SUPT20H: variants seen among roughly 807,000 people sequenced by gnomAD.
The protein encoded by SUPT20H is transcription factor SPT20 homolog.
A neutral mutation model predicts 122.8 loss-of-function variants in SUPT20H; 82 were observed. The ratio of observed to expected loss-of-function variants is 0.67; its 90% CI spans 0.56 to 0.80. The LOEUF is 0.80. Ranked by LOEUF, SUPT20H falls within the 30% of genes least tolerant of loss-of-function variation. SUPT20H has a pLI of 0.00. For synonymous variants in SUPT20H, 291 were observed against 313.0 expected, an observed-to-expected ratio of 0.93 and a Z score of 0.74; for missense variants, 831 against 921.6, an observed-to-expected ratio of 0.90 and a Z score of 1.27.
chr13:37,021,454 G>A lies in SUPT20H; in HGVS notation c.1810C>T (p.Gln604Ter). ...ALPSAMQAAS[Q>*]AGVPFGLKNT... ...TTATTTCCAACATTCTGACCTGCTT[G>A]AGAAGCTGCCTGCATTGCACTGGGC... The change falls in exon 21 of 26, where the codon CAA becomes TAA. Residue 604 changes from glutamine (Q) to a stop codon, truncating the protein, a stop_gained. Coordinates refer to ENST00000350612, the MANE Select transcript of SUPT20H (RefSeq NM_001014286.3). LOFTEE classifies it high-confidence loss of function. 1 of 1,604,608 alleles carries A rather than the reference G, an allele frequency of 6.2e-7. No homozygotes were observed. Among genetic ancestry groups the A allele is most frequent in the African/African-American group, 1.3e-5 (1 of 74,658 alleles).
chr13:37,015,176 A>C (rs958302634), intron 23 of SUPT20H, among the ~76,000 whole-genome samples: 1 of 151,966 alleles, frequency 6.6e-6, no homozygotes, highest in Non-Finnish European at 1.5e-5. Context: ...TAAAATAAAA[A>C]AAAAAAAAAC....
intron 7 of SUPT20H, among the ~76,000 whole-genome samples, chr13:37,041,144 C>A (rs2065391610): frequency 6.6e-6 from 1 of 152,152 alleles, no homozygotes. Flanking sequence ...TCTATATTTG[C>A]TCTGCTAAAA....
chr13:37,012,340 CA>C, intron 23 of SUPT20H, 43 bp from the exon 24 acceptor site: 1 of 1,486,760 alleles, frequency 6.7e-7, no homozygotes, highest in South Asian at 1.2e-5. Context: ...GAAAGAAAAA[CA>C]AATTTGAGCT....
chr13:37,048,719 C>T, intron 2 of SUPT20H, 120 bp from the exon 3 acceptor site: 2 of 740,918 alleles, frequency 2.7e-6, no homozygotes, highest in Non-Finnish European at 4.2e-6. Context: ...TTATTTGTCT[C>T]CTCCACTCCA....
At chr13:37,050,347 C>CAAAAAAAAAA (rs61668901) in intron 2 of SUPT20H, among the ~76,000 whole-genome samples, 1 of 76,996 alleles carries the variant, frequency 1.3e-5, no homozygotes, top group African/African-American at 5.1e-5. Flanking sequence ...CTGTCACTAC[C>CAAAAAAAAAA]AAAAAAAAAA....
intron 9 of SUPT20H, chr13:37,039,079 T>C (rs1053281752): frequency 1.3e-5 from 2 of 152,302 alleles, no homozygotes; most frequent in Middle Eastern, 3.4e-3. Context: ...CACATCAATT[T>C]ACGAGGAAAA....
chr13:37,021,392 T>C (rs1449524269), intron 21 of SUPT20H, 56 bp downstream of exon 21: 1 of 1,472,446 alleles, frequency 6.8e-7, no homozygotes, highest in East Asian at 2.4e-5. Context: ...AATTACATTT[T>C]TACTTTAGCA....
rs2067691157 is a variant in SUPT20H at position 37,051,544 on chromosome 13, G to T, written c.-54C>A. 3 of 1,583,978 alleles carry T rather than the reference G, an allele frequency of 1.9e-6. No homozygotes were observed. Among genetic ancestry groups the T allele is most frequent in the East Asian group, 4.5e-5 (2 of 44,570 alleles). On this transcript the variant is annotated 5_prime_UTR_variant, in exon 2 of 26. Coordinates refer to ENST00000350612, the MANE Select transcript of SUPT20H (RefSeq NM_001014286.3). ...GAGATAACTTATGTACGCTGATGAA[G>T]TGGGGTGAACACCATGCCTTTAACA...
At chr13:37,016,429 CAAA>C (rs66581438) in intron 23 of SUPT20H, among the ~76,000 whole-genome samples, 6 of 139,756 alleles carry the variant, frequency 4.3e-5, no homozygotes, top group Admixed American at 7.1e-5. Context: ...GACTCTGTCT[CAAA>C]AAAAAAAAAA....
chr13:37,020,097 T>G (rs2061246481), intron 21 of SUPT20H, among the ~76,000 whole-genome samples: 1 of 152,208 alleles, frequency 6.6e-6, no homozygotes, highest in Admixed American at 6.5e-5. Flanking sequence ...TAGCTTAGGC[T>G]GTGTGCTGTA....
chr13:37,021,515 G>T lies in SUPT20H; in HGVS notation c.1749C>A (p.Gly583=), dbSNP rs1319142128. 7 of 1,613,822 alleles carry T rather than the reference G, an allele frequency of 4.3e-6. No individual in the cohort carries two copies. Among genetic ancestry groups the T allele is most frequent in the African/African-American group, 1.3e-5 (1 of 75,026 alleles). The change falls in exon 21 of 26, where the codon GGC becomes GGA. Residue 583 remains glycine (G), a synonymous_variant. Coordinates refer to ENST00000350612, the MANE Select transcript of SUPT20H (RefSeq NM_001014286.3). ...AITPAGINLS[G]LLPSGGLLPN... is the part of the protein sequence containing the mutation. ...GTAGCAGACCTCCTGAGGGTAGAAG[G>T]CCGCTCAGGTTTATTCCTGCAGGAG...
intron 5 of SUPT20H, among the ~76,000 whole-genome samples, chr13:37,045,917 G>A (rs972657510): frequency 1.3e-5 from 2 of 151,952 alleles, no homozygotes; most frequent in African/African-American, 4.8e-5. Context: ...AAGCAATTTG[G>A]ACATTTTCTA....
At chr13:37,010,774 T>C (rs963112490) in intron 24 of SUPT20H, 119 bp from the exon 25 acceptor site, 2 of 664,938 alleles carry the variant, frequency 3.0e-6, no homozygotes, top group African/African-American at 3.6e-5. Context: ...TAATCTTAAG[T>C]ATCAAATCAT....
At position 37,022,455 on chromosome 13, in the gene SUPT20H, T is replaced by C; in HGVS notation, c.1592-375A>G. The C allele has an allele frequency of 7.7e-7, 1 of 1,304,258 alleles. No individual in the cohort carries two copies. Among genetic ancestry groups the C allele is most frequent in the Non-Finnish European group, 9.7e-7 (1 of 1,029,210 alleles). 80.8% of individuals were successfully genotyped at this position (1,304,258 alleles called of 1,614,324 possible). ...TTTAGCAGTTAACTGCAAGTGTTAA[T>C]TTCTACACATGATACATGAGTGTTG... is the stretch of plus-strand genomic sequence containing the variant. On this transcript the variant is annotated intron_variant, in intron 19 of 25. Transcript: ENST00000350612. The surrounding 1 kb of genome is among the most constrained non-coding windows in gnomAD (Gnocchi z 4.5).
At chr13:37,023,636 C>T (rs1178551493) in intron 19 of SUPT20H, 1 of 154,450 alleles carries the variant, frequency 6.5e-6, no homozygotes, top group African/African-American at 2.4e-5. Flanking sequence ...AAGATAGGAC[C>T]TGCAGCAACA....
At chr13:37,040,243 A>G (rs1456943787) in intron 9 of SUPT20H, 162 bp downstream of exon 9, 2 of 628,006 alleles carry the variant, frequency 3.2e-6, no homozygotes, top group Non-Finnish European at 5.3e-6. Flanking sequence ...ACATATAAAG[A>G]GACCCTTAAC....
At chr13:37,015,205 A>C (rs2060232846) in intron 23 of SUPT20H, among the ~76,000 whole-genome samples, 1 of 151,974 alleles carries the variant, frequency 6.6e-6, no homozygotes, top group Admixed American at 6.5e-5. Context: ...AATGGATGCA[A>C]TCAAGAGTGA....
intron 18 of SUPT20H, 35 bp from the exon 19 acceptor site, chr13:37,024,228 A>C: frequency 6.3e-7 from 1 of 1,581,614 alleles, no homozygotes; most frequent in African/African-American, 1.4e-5. Context: ...CTAAATTTAT[A>C]ATTCAAACTT....
At chr13:37,048,443 G>T in intron 3 of SUPT20H, 121 bp downstream of exon 3, 1 of 745,892 alleles carries the variant, frequency 1.3e-6, no homozygotes, top group Non-Finnish European at 2.1e-6. Context: ...AAAATGATAT[G>T]CATACTTGTC....
Sources: gnomAD v4.1 joint callset for allele counts (sites outside exome capture counted in the v4.1 genomes callset) on GRCh38, gnomAD v4.1.1 for gene constraint, Gnocchi (gnomAD v3.1) non-coding constraint, MANE v1.5 for transcripts, NCBI Gene and HGNC (gene_info 2026-07-23, HGNC 2026-07-21) for gene names.